The following HACD3 variants were observed in gnomAD, a reference collection of about 807,000 sequenced individuals.
HACD3 encodes 3-hydroxyacyl-CoA dehydratase 3, also known as very-long-chain (3R)-3-hydroxyacyl-CoA dehydratase 3.
A neutral mutation model predicts 55.2 loss-of-function variants in HACD3; 30 were observed. The ratio of observed to expected loss-of-function variants is 0.54; its 90% CI spans 0.41 to 0.74. The LOEUF is 0.74. HACD3 is among the 30% of genes least tolerant of loss of function. The probability of loss-of-function intolerance (pLI) is 0.00; values close to 1 mark genes in which losing one functional copy is unlikely to be tolerated. For synonymous variants in HACD3, 141 were observed against 151.7 expected, an observed-to-expected ratio of 0.93 and a Z score of 0.52; for missense variants, 363 against 440.1, an observed-to-expected ratio of 0.82 and a Z score of 1.57.
Position 65,572,283 on chromosome 15 carries a change from T to A in HACD3, c.929T>A (p.Phe310Tyr). The A allele has an allele frequency of 1.2e-6, 2 of 1,613,528 alleles. No individual in the cohort carries two copies. Among genetic ancestry groups the A allele is most frequent in the Non-Finnish European group, 1.7e-6 (2 of 1,179,814 alleles). The change falls in exon 10 of 11, where the codon TTC (phenylalanine) becomes TAC (tyrosine). Residue 310 changes from phenylalanine to tyrosine, a missense_variant. By Grantham distance (22) the Phe-to-Tyr change is conservative. Transcript: ENST00000261875. Reference protein sequence around the residue: ...SIPIFNETGRFSFTLPYPVKI... With the variant: ...SIPIFNETGRYSFTLPYPVKI... The stretch of plus-strand genomic sequence containing the variant: ...CCAATATTCAATGAGACCGGACGAT[T>A]CAGTTTCACATTGCCATATCCAGTG...
chr15:65,546,002 C>T (rs2072073426), intron 1 of HACD3, among the ~76,000 whole-genome samples: 1 of 152,230 alleles, frequency 6.6e-6, no homozygotes, highest in African/African-American at 2.4e-5. Context: ...ACTGAGCAGT[C>T]CTGTTGCGGG....
At chr15:65,566,123 G>A (rs1024142140) in intron 7 of HACD3, 5 of 152,140 alleles carry the variant, frequency 3.3e-5, no homozygotes, top group African/African-American at 1.2e-4. Context: ...CCTCAGCCTG[G>A]ACTTTATTGT....
At chr15:65,551,632 T>C (rs765235640) in intron 1 of HACD3, 44 bp from the exon 2 acceptor site, 2 of 1,610,632 alleles carry the variant, frequency 1.2e-6, no homozygotes, top group Non-Finnish European at 1.7e-6. Context: ...TCATTTTTTC[T>C]CTTCATTAAA....
At chr15:65,549,536 G>T (rs1401546695) in intron 1 of HACD3, among the ~76,000 whole-genome samples, 1 of 148,102 alleles carries the variant, frequency 6.8e-6, no homozygotes, top group Non-Finnish European at 1.5e-5. Flanking sequence ...GGAGGTGGAG[G>T]TTGCAGTGAA....
At chr15:65,552,822 C>T (rs1026083698) in intron 2 of HACD3, among the ~76,000 whole-genome samples, 1 of 151,814 alleles carries the variant, frequency 6.6e-6, no homozygotes, top group Admixed American at 6.6e-5. Context: ...AGGTATATCT[C>T]CCGATGCTAT....
intron 5 of HACD3, among the ~76,000 whole-genome samples, chr15:65,559,727 T>A (rs1465942820): frequency 2.0e-5 from 3 of 152,014 alleles, no homozygotes. Context: ...GAATATTCTT[T>A]CAGGAAAGCC....
intron 1 of HACD3, among the ~76,000 whole-genome samples, chr15:65,539,564 T>G (rs1419702854): frequency 6.6e-6 from 1 of 152,090 alleles, no homozygotes. Context: ...TTGGTACAAT[T>G]GATTTGGAGA....
chr15:65,533,085 A>T (rs1237172409), intron 1 of HACD3, among the ~76,000 whole-genome samples: 1 of 152,242 alleles, frequency 6.6e-6, no homozygotes. Flanking sequence ...TTCCAGAAAG[A>T]GAAAGGCATA....
chr15:65,564,285 A>T lies in HACD3; in HGVS notation c.603A>T (p.Glu201Asp), dbSNP rs375424240. Residue 201 changes from glutamate to aspartate, a missense_variant, in exon 7 of 11, where the codon GAA (glutamate) becomes GAT (aspartate). Glu to Asp is a conservative substitution (Grantham distance 45). Coordinates refer to ENST00000261875, the MANE Select transcript of HACD3 (RefSeq NM_016395.4). ...TCTGCCAGATGCTGGCAGTTGTGGA[A>T]ACTATCAATGCAGCAATTGGAGTCA... is the stretch of plus-strand genomic sequence containing the variant. ...MYFCQMLAVV[E>D]TINAAIGVTT... The T allele has an allele frequency of 3.7e-6, 6 of 1,613,832 alleles. No homozygotes were observed. The African/African-American group carries it at 8.0e-5, about 22-fold the overall frequency.
Position 65,560,968 on chromosome 15 carries a change from G to A in HACD3, c.422-1806G>A, listed in dbSNP as rs73484702. Among the ~76,000 whole-genome samples the A allele has an allele frequency of 8.9e-3, 1,352 of 152,254 alleles. 23 individuals carry two copies. The highest frequency in any genetic ancestry group is 0.031 in the African/African-American group (1,302 of 41,556). On this transcript the variant is annotated intron_variant, in intron 5 of 10. Transcript: ENST00000261875. ...CAGTTTTTAGATTGTAAGCTCTGAG[G>A]GCAGCCTTGAACTACCTTTGTATCC... is the stretch of plus-strand genomic sequence containing the variant.
chr15:65,548,727 C>A (rs1025297111), intron 1 of HACD3, among the ~76,000 whole-genome samples: 2 of 151,898 alleles, frequency 1.3e-5, no homozygotes, highest in African/African-American at 4.8e-5. Flanking sequence ...CATGTGCCAC[C>A]ACACTTGGCT....
At chr15:65,535,732 G>C (rs2071948012) in intron 1 of HACD3, 2 of 507,616 alleles carry the variant, frequency 3.9e-6, no homozygotes, top group Non-Finnish European at 3.5e-6. Context: ...GTCTCACTCT[G>C]TTGCCCAGGT....
chr15:65,533,839 C>G (rs1251626319), intron 1 of HACD3, among the ~76,000 whole-genome samples: 1 of 151,504 alleles, frequency 6.6e-6, no homozygotes, highest in Non-Finnish European at 1.5e-5. Flanking sequence ...ATCATGAGGT[C>G]AGGAGATCGA....
chr15:65,535,773 G>A (rs950925176), intron 1 of HACD3: 34 of 649,970 alleles, frequency 5.2e-5, no homozygotes, highest in African/African-American at 1.3e-4. Flanking sequence ...ATAGCTCACC[G>A]TAGCCTTGAA....
At chr15:65,559,316 C>T (rs1365008308) in intron 5 of HACD3, among the ~76,000 whole-genome samples, 1 of 152,122 alleles carries the variant, frequency 6.6e-6, no homozygotes, top group Admixed American at 6.6e-5. Context: ...AAGCATTGTG[C>T]TGGGCCCTTG....
At chr15:65,571,782 C>A in intron 9 of HACD3, 128 bp downstream of exon 9, 1 of 720,204 alleles carries the variant, frequency 1.4e-6, no homozygotes. Flanking sequence ...GGATTTCTTT[C>A]CATGGGCTTC....
chr15:65,571,699 T>G, intron 9 of HACD3, 45 bp downstream of exon 9: 1 of 1,459,820 alleles, frequency 6.9e-7, no homozygotes, highest in Non-Finnish European at 9.6e-7. Context: ...CTCCAGGGGG[T>G]ACCCAGAGGC....
At chr15:65,541,163 T>C (rs1261514955) in intron 1 of HACD3, among the ~76,000 whole-genome samples, 2 of 152,202 alleles carry the variant, frequency 1.3e-5, no homozygotes, top group Non-Finnish European at 2.9e-5. Context: ...ACTAGTGATA[T>C]AACTATACAA....
intron 2 of HACD3, among the ~76,000 whole-genome samples, chr15:65,554,451 C>A (rs756207033): frequency 6.6e-6 from 1 of 152,062 alleles, no homozygotes; most frequent in African/African-American, 2.4e-5. Flanking sequence ...TTGTGGACTA[C>A]GATGCTTCTT....
Sources: gnomAD v4.1 joint callset for allele counts (sites outside exome capture counted in the v4.1 genomes callset) on GRCh38, gnomAD v4.1.1 for gene constraint, MANE v1.5 for transcripts, NCBI Gene and HGNC (gene_info 2026-07-23, HGNC 2026-07-21) for gene names.